The following GM2A variants were observed in gnomAD, a reference collection of about 807,000 sequenced individuals.
GM2A encodes ganglioside GM2 activator, also known as GM2 ganglioside activator.
In GM2A, 7 loss-of-function variants were observed where a neutral mutation model predicts 12.9. That is an observed-to-expected ratio of 0.54 (90% CI 0.31 to 1.02). The LOEUF (loss-of-function observed/expected upper bound fraction) is 1.02. Among genes scored for constraint, GM2A ranks in the 50% least tolerant of loss-of-function variants. The pLI is 0.05. For missense variants in GM2A, 246 were observed against 241.0 expected (o/e 1.02, Z -0.14); for synonymous variants, 101 against 96.0 (o/e 1.05, Z -0.30).
intron 1 of GM2A, among the ~76,000 whole-genome samples, chr5:151,255,696 C>T (rs1474015979): frequency 6.6e-6 from 1 of 152,326 alleles, no homozygotes; most frequent in Non-Finnish European, 1.5e-5. Flanking sequence ...ACTCTGCCCC[C>T]GAGGCAGAAA....
chr5:151,258,891 G>A (rs971050910), intron 1 of GM2A, among the ~76,000 whole-genome samples: 1 of 152,102 alleles, frequency 6.6e-6, no homozygotes, highest in Admixed American at 6.5e-5. Flanking sequence ...GCCTCCAGGG[G>A]GCTGGGAGAG....
Position 151,268,669 on chromosome 5 carries a change from G to C in GM2A, c.*1218G>C. 3.2e-6 allele frequency: 2 copies of C among 620,134 alleles called. No individual in the cohort carries two copies. The highest frequency in any genetic ancestry group is 4.0e-6 in the Non-Finnish European group (2 of 503,586). The allele number at this position is 620,134 out of a possible 1,614,324, so 38.4% of individuals were successfully genotyped here. ...CAATACTCCAGCCTGGTGACAGAGT[G>C]AGACTCTGTCTCAAAAAAAAAGTTT... On this transcript the variant is annotated 3_prime_UTR_variant, in exon 4 of 4. Transcript: ENST00000357164.
In GM2A at chr5:151,267,454, T is replaced by C. The variant is rs778266121; in HGVS notation, c.*3T>C. On this transcript the variant is annotated 3_prime_UTR_variant, in exon 4 of 4. Transcript: ENST00000357164. ...CTGCCTCTCTAAAGGGCATATAACATGGCATCTGCCACAGCAGAATGGAGC... is the reference window on the plus strand; with the variant it reads ...CTGCCTCTCTAAAGGGCATATAACACGGCATCTGCCACAGCAGAATGGAGC... 1.9e-6 allele frequency: 3 copies of C among 1,614,034 alleles called. No homozygotes were observed. The highest frequency in any genetic ancestry group is 2.2e-5 in the South Asian group (2 of 91,080).
chr5:151,265,688 A>G (rs1029721707), intron 2 of GM2A, among the ~76,000 whole-genome samples: 1 of 152,150 alleles, frequency 6.6e-6, no homozygotes, highest in Non-Finnish European at 1.5e-5. Context: ...TCCACCATGA[A>G]ATTTGGGCCA....
chr5:151,256,180 T>C (rs1446509012), intron 1 of GM2A, among the ~76,000 whole-genome samples: 3 of 152,182 alleles, frequency 2.0e-5, no homozygotes, highest in East Asian at 3.8e-4. Flanking sequence ...GCTAGTCATA[T>C]AGTAGGTGCT....
intron 2 of GM2A, among the ~76,000 whole-genome samples, chr5:151,265,902 G>A (rs1753876907): frequency 6.6e-6 from 1 of 152,174 alleles, no homozygotes; most frequent in Admixed American, 6.5e-5. Flanking sequence ...CCAGTCTCAA[G>A]GTGATCTTTC....
chr5:151,256,887 C>T (rs1753699847), intron 1 of GM2A, among the ~76,000 whole-genome samples: 1 of 152,138 alleles, frequency 6.6e-6, no homozygotes, highest in South Asian at 2.1e-4. Context: ...CCTATGACAG[C>T]TTCTTAGTCT....
intron 1 of GM2A, 85 bp downstream of exon 1, chr5:151,253,382 C>A (rs1330358617): frequency 3.3e-6 from 3 of 904,006 alleles, no homozygotes; most frequent in East Asian, 2.5e-5. Flanking sequence ...ATGGGGGTGG[C>A]CACTCCGTTC....
chr5:151,255,323 A>G (rs114983391), intron 1 of GM2A, among the ~76,000 whole-genome samples: 1,603 of 152,264 alleles, frequency 0.011, 27 homozygotes, highest in African/African-American at 0.036. Flanking sequence ...CCCAAAAACA[A>G]AAACCCGATT....
chr5:151,253,422 T>C, intron 1 of GM2A, 125 bp downstream of exon 1: 1 of 725,846 alleles, frequency 1.4e-6, no homozygotes, highest in Non-Finnish European at 2.5e-6. Flanking sequence ...ACTAGAGCCT[T>C]CCAAAGTAAC....
intron 2 of GM2A, among the ~76,000 whole-genome samples, chr5:151,260,150 C>T (rs1172646452): frequency 1.3e-5 from 2 of 152,180 alleles, no homozygotes; most frequent in Non-Finnish European, 2.9e-5. Context: ...GCAGGAGTGA[C>T]GGATACCTTG....
intron 2 of GM2A, among the ~76,000 whole-genome samples, chr5:151,266,072 C>G (rs1471377445): frequency 6.6e-6 from 1 of 152,144 alleles, no homozygotes; most frequent in Non-Finnish European, 1.5e-5. Flanking sequence ...CGACTGGGCT[C>G]AGAAGGAAAG....
In GM2A at chr5:151,267,638, T is replaced by C; in HGVS notation, c.*187T>C. The C allele has an allele frequency of 6.6e-7, 1 of 1,512,970 alleles. No homozygotes were observed. Among genetic ancestry groups the C allele is most frequent in the Non-Finnish European group, 8.8e-7 (1 of 1,132,034 alleles). The allele number at this position is 1,512,970 out of a possible 1,614,324, so 93.7% of individuals were successfully genotyped here. A position where few individuals can be genotyped will look rare whatever the true frequency, so the allele number is the denominator to read the frequency against. On this transcript the variant is annotated 3_prime_UTR_variant, in exon 4 of 4. Coordinates refer to ENST00000357164, the MANE Select transcript of GM2A (RefSeq NM_000405.5). The stretch of plus-strand genomic sequence containing the variant: ...TAGGCTGGGGCAAGCAGCCCTGACC[T>C]AAGGGAGAATGAGTTGGACAGTTCT...
In GM2A at chr5:151,268,159, C is replaced by T. The variant is rs1035122425; in HGVS notation, c.*708C>T. On this transcript the variant is annotated 3_prime_UTR_variant, in exon 4 of 4. Coordinates refer to ENST00000357164, the MANE Select transcript of GM2A (RefSeq NM_000405.5). ...GCTTCCAGGCTTGATTTCGATTTTT[C>T]GCTTTTTTTTTTTTTGAGACAGAAT... is the stretch of plus-strand genomic sequence containing the variant. The T allele has an allele frequency of 2.3e-5, 21 of 908,692 alleles. No homozygotes were observed. Among genetic ancestry groups the T allele is most frequent in the African/African-American group, 1.2e-4 (4 of 32,962 alleles). The allele number at this position is 908,692 out of a possible 1,614,324, so 56.3% of individuals were successfully genotyped here. A position where few individuals can be genotyped will look rare whatever the true frequency, so the allele number is the denominator to read the frequency against.
At chr5:151,266,447 C>CAAA (rs59997121) in intron 2 of GM2A, among the ~76,000 whole-genome samples, 1 of 106,132 alleles carries the variant, frequency 9.4e-6, no homozygotes. Context: ...AGCCATGATA[C>CAAA]AAAAAAAAAA....
chr5:151,267,201 G>C (rs1753903648), intron 3 of GM2A, 95 bp from the exon 4 acceptor site: 1 of 1,491,770 alleles, frequency 6.7e-7, no homozygotes, highest in African/African-American at 1.4e-5. Context: ...GGGAAGAGGG[G>C]TGGTAGTTCA....
intron 1 of GM2A, among the ~76,000 whole-genome samples, chr5:151,258,117 C>G (rs532537852): frequency 1.3e-5 from 2 of 152,362 alleles, no homozygotes; most frequent in South Asian, 4.1e-4. Context: ...TCCTGCCTTT[C>G]TTAGTCATGA....
chr5:151,258,045 C>G (rs1753724531), intron 1 of GM2A, among the ~76,000 whole-genome samples: 1 of 152,260 alleles, frequency 6.6e-6, no homozygotes, highest in African/African-American at 2.4e-5. Flanking sequence ...GGCCTATCAT[C>G]ATTGCTCCAT....
intron 1 of GM2A, among the ~76,000 whole-genome samples, chr5:151,255,409 T>C (rs1423827636): frequency 6.6e-6 from 1 of 152,124 alleles, no homozygotes; most frequent in Non-Finnish European, 1.5e-5. Flanking sequence ...CCAACCCTGA[T>C]CCCCTCCCTT....
Sources: allele counts gnomAD v4.1 joint callset (sites outside exome capture counted in the v4.1 genomes callset), GRCh38; gene constraint gnomAD v4.1.1; transcripts MANE v1.5; gene names NCBI Gene and HGNC (gene_info 2026-07-23, HGNC 2026-07-21).